The following DNAH8 variants were observed in gnomAD, a reference collection of about 807,000 sequenced individuals.
DNAH8 encodes the protein axonemal beta dynein heavy chain 8.
DNAH8 carries 382 observed loss-of-function variants against 562.1 expected under a neutral mutation model. That is an observed-to-expected ratio of 0.68 (90% CI 0.63 to 0.74). DNAH8 has a LOEUF of 0.74. Among genes scored for constraint, DNAH8 ranks in the 30% least tolerant of loss-of-function variants. DNAH8 has a pLI of 0.00. For synonymous variants in DNAH8, 1,881 were observed against 1,919.4 expected, an observed-to-expected ratio of 0.98 and a Z score of 0.52; for missense variants, 5,203 against 5,620.4, an observed-to-expected ratio of 0.93 and a Z score of 2.37.
chr6:38,909,478 C>G (rs1780717909), intron 64 of DNAH8, 40 bp from the exon 65 acceptor site: 2 of 1,587,156 alleles, frequency 1.3e-6, no homozygotes, highest in Admixed American at 3.3e-5. Context: ...ACTTATAACC[C>G]CTCTGTGTTT....
At position 38,919,260 on chromosome 6, in the gene DNAH8, TA is replaced by T. The variant is rs554586646; in HGVS notation, c.10524+1121del. 9.2e-5 allele frequency among the ~76,000 whole-genome samples: 14 copies of T among 152,304 alleles called. No individual in the cohort carries two copies. The East Asian group carries it at 2.7e-3, about 29-fold the overall frequency. ...TTTCAGTGGAAATTAACAAACATAA[TA>T]CTGTAATTTGAGATTGTGATACATG... On this transcript the variant is annotated intron_variant, in intron 70 of 92. Transcript: ENST00000327475.
chr6:38,948,653 T>C (rs1382170487), intron 80 of DNAH8, among the ~76,000 whole-genome samples: 3 of 152,206 alleles, frequency 2.0e-5, no homozygotes, highest in Non-Finnish European at 4.4e-5. Context: ...AAAGCACACT[T>C]ACAAACACCG....
At chr6:38,886,336 GAAGAT>G (rs1047071913) in intron 56 of DNAH8, among the ~76,000 whole-genome samples, 29 of 152,098 alleles carry the variant, frequency 1.9e-4, no homozygotes, top group Admixed American at 1.6e-3. Context: ...AGGATGCAGA[GAAGAT>G]AAGATGAGAA....
chr6:38,927,718 G>A (rs535328286), intron 74 of DNAH8, among the ~76,000 whole-genome samples: 1 of 152,186 alleles, frequency 6.6e-6, no homozygotes, highest in East Asian at 1.9e-4. Flanking sequence ...GCATGCTCCT[G>A]TATCACTTGG....
At chr6:38,991,008 A>T (rs555089472) in intron 88 of DNAH8, among the ~76,000 whole-genome samples, 1 of 152,326 alleles carries the variant, frequency 6.6e-6, no homozygotes, top group East Asian at 1.9e-4. Context: ...ATGCCCTAAG[A>T]GTGGGGCATT....
At chr6:38,985,689 A>G (rs919862028) in intron 87 of DNAH8, among the ~76,000 whole-genome samples, 6 of 152,240 alleles carry the variant, frequency 3.9e-5, no homozygotes, top group African/African-American at 1.2e-4. Context: ...GAGTCCACAA[A>G]TGGACATGTA....
At chr6:38,978,269 A>G (rs1446822390) in intron 85 of DNAH8, among the ~76,000 whole-genome samples, 1 of 152,180 alleles carries the variant, frequency 6.6e-6, no homozygotes, top group Non-Finnish European at 1.5e-5. Flanking sequence ...AATTACTTAG[A>G]TAGTAAATAA....
intron 9 of DNAH8, among the ~76,000 whole-genome samples, chr6:38,752,270 TCTC>T: frequency 6.6e-6 from 1 of 152,058 alleles, no homozygotes; most frequent in African/African-American, 2.4e-5. Flanking sequence ...TTCAAGCAAT[TCTC>T]CTGATTCAGC....
intron 1 of DNAH8, among the ~76,000 whole-genome samples, chr6:38,720,884 A>G (rs1762698462): frequency 6.6e-6 from 1 of 152,006 alleles, no homozygotes; most frequent in African/African-American, 2.4e-5. Flanking sequence ...GAAGGTTAAC[A>G]AAGAGATTGA....
intron 80 of DNAH8, among the ~76,000 whole-genome samples, chr6:38,945,964 G>A (rs1761384414): frequency 1.3e-5 from 2 of 152,152 alleles, no homozygotes; most frequent in Non-Finnish European, 2.9e-5. Context: ...CAAATTAAGA[G>A]GTTGAGGTCC....
intron 44 of DNAH8, among the ~76,000 whole-genome samples, chr6:38,863,375 C>T (rs1262951717): frequency 4.0e-5 from 6 of 151,686 alleles, no homozygotes; most frequent in Non-Finnish European, 8.8e-5. Flanking sequence ...TGCAGTGAGC[C>T]GAGATCTTGC....
chr6:38,861,046 C>T (rs890338301), intron 43 of DNAH8, among the ~76,000 whole-genome samples: 5 of 151,866 alleles, frequency 3.3e-5, no homozygotes, highest in Admixed American at 1.3e-4. Flanking sequence ...TGGCAGATCC[C>T]GTCACAATTC....
chr6:38,840,075 G>A (rs1774650901), intron 33 of DNAH8, among the ~76,000 whole-genome samples: 1 of 152,214 alleles, frequency 6.6e-6, no homozygotes, highest in Admixed American at 6.5e-5. Context: ...GACCAGCACT[G>A]AATGAGACTA....
At chr6:38,801,876 G>A (rs1269419643) in intron 21 of DNAH8, among the ~76,000 whole-genome samples, 1 of 152,172 alleles carries the variant, frequency 6.6e-6, no homozygotes, top group Non-Finnish European at 1.5e-5. Context: ...TTTCTGGAGA[G>A]AAGTTTGCAT....
At chr6:39,001,379 C>T (rs534061148) in intron 88 of DNAH8, among the ~76,000 whole-genome samples, 1 of 151,964 alleles carries the variant, frequency 6.6e-6, no homozygotes, top group Admixed American at 6.6e-5. Flanking sequence ...ACAAGTACAA[C>T]AATAAAAGCA....
chr6:38,782,419 T>G (rs1768717255), intron 16 of DNAH8, among the ~76,000 whole-genome samples: 1 of 152,104 alleles, frequency 6.6e-6, no homozygotes, highest in Non-Finnish European at 1.5e-5. Context: ...TAGCTGGGAT[T>G]ACAGGCACCC....
intron 82 of DNAH8, 132 bp downstream of exon 82, chr6:38,951,652 C>T: frequency 1.3e-6 from 1 of 775,340 alleles, no homozygotes; most frequent in South Asian, 1.7e-5. Flanking sequence ...AAACTTATTC[C>T]TCTTTCATCC....
At chr6:38,808,561 A>G (rs1007936575) in intron 24 of DNAH8, among the ~76,000 whole-genome samples, 5 of 152,214 alleles carry the variant, frequency 3.3e-5, no homozygotes, top group African/African-American at 1.2e-4. Flanking sequence ...AACCAGAAAT[A>G]CTATTTGACC....
rs370607569 is a variant in DNAH8 at position 39,004,631 on chromosome 6, A to T, written c.13215-4183A>T. Among the ~76,000 whole-genome samples, 11 of 152,354 alleles carry T rather than the reference A, an allele frequency of 7.2e-5. No individual in the cohort carries two copies. In the South Asian group the frequency reaches 2.3e-3, roughly 32 times the overall value. On this transcript the variant is annotated intron_variant, in intron 88 of 92. Transcript: ENST00000327475. Reference sequence around the variant, plus strand: ...TGATTTCTAGTAAGTTTACCACTACAATATAACGTTATAAGATTTCCATCA... The same window carrying T: ...TGATTTCTAGTAAGTTTACCACTACTATATAACGTTATAAGATTTCCATCA...
Sources: allele counts gnomAD v4.1 joint callset (sites outside exome capture counted in the v4.1 genomes callset), GRCh38; gene constraint gnomAD v4.1.1; transcripts MANE v1.5; gene names NCBI Gene and HGNC (gene_info 2026-07-23, HGNC 2026-07-21).